The following TENM3 variants were observed in gnomAD, a reference collection of about 807,000 sequenced individuals.
The protein encoded by TENM3 is teneurin-3.
A neutral mutation model predicts 255.1 loss-of-function variants in TENM3; 63 were observed. The observed-to-expected ratio is 0.25, with a 90% confidence interval of 0.20 to 0.30. The LOEUF (loss-of-function observed/expected upper bound fraction) is 0.30, where lower values mean the gene tolerates loss of function less well. Among genes scored for constraint, TENM3 ranks in the 10% least tolerant of loss-of-function variants. The probability of loss-of-function intolerance (pLI) is 1.00; values close to 1 mark genes in which losing one functional copy is unlikely to be tolerated. For missense variants in TENM3, 2,929 were observed against 3,461.1 expected, an observed-to-expected ratio of 0.85 and a Z score of 3.86; for synonymous variants, 1,306 against 1,322.3, an observed-to-expected ratio of 0.99 and a Z score of 0.27.
At chr4:181,984,789 CGT>C in the TENM3 span, among the ~76,000 whole-genome samples, 15,670 of 138,280 alleles carry the variant, frequency 0.11, 840 homozygotes, top group East Asian at 0.14. Context: ...CTAAAAGAGT[CGT>C]GTGTGTGTGT....
the TENM3 span, among the ~76,000 whole-genome samples, chr4:181,930,571 C>T: frequency 6.6e-6 from 1 of 152,062 alleles, no homozygotes; most frequent in Non-Finnish European, 1.5e-5. Flanking sequence ...GATTCACAGC[C>T]GAATTCTACC....
the TENM3 span, among the ~76,000 whole-genome samples, chr4:181,470,119 A>AAAC: frequency 7.9e-6 from 1 of 126,648 alleles, no homozygotes; most frequent in African/African-American, 2.9e-5. Flanking sequence ...AAAAAAAAAA[A>AAAC]AAAAAACATT....
the TENM3 span, among the ~76,000 whole-genome samples, chr4:181,863,383 C>T: frequency 1.3e-5 from 2 of 152,120 alleles, no homozygotes; most frequent in African/African-American, 2.4e-5. Context: ...CAGTAAATAT[C>T]ATGCATAAAA....
At chr4:182,642,036 A>C (rs1224839851) in intron 5 of TENM3, among the ~76,000 whole-genome samples, 1 of 152,240 alleles carries the variant, frequency 6.6e-6, no homozygotes, top group Non-Finnish European at 1.5e-5. Flanking sequence ...CAAATCATGT[A>C]AATGATTTCA....
chr4:181,554,280 G>A, the TENM3 span, among the ~76,000 whole-genome samples: 1 of 152,188 alleles, frequency 6.6e-6, no homozygotes, highest in South Asian at 2.1e-4. Context: ...GGCGGTGTCT[G>A]CCTGAATGTC....
chr4:181,973,033 G>GGAAT, the TENM3 span, among the ~76,000 whole-genome samples: 1 of 152,042 alleles, frequency 6.6e-6, no homozygotes, highest in Non-Finnish European at 1.5e-5. Context: ...TGACAAAACT[G>GGAAT]GAATCAAAAG....
the TENM3 span, among the ~76,000 whole-genome samples, chr4:181,526,928 G>C: frequency 2.0e-5 from 3 of 152,110 alleles, 1 homozygote; most frequent in South Asian, 6.2e-4. Flanking sequence ...TGTCCTTATA[G>C]TTCAGTTAGG....
At chr4:181,981,765 G>C in the TENM3 span, among the ~76,000 whole-genome samples, 1 of 152,116 alleles carries the variant, frequency 6.6e-6, no homozygotes, top group Non-Finnish European at 1.5e-5. Flanking sequence ...AGTCACAAGA[G>C]ACTATAACAA....
chr4:182,199,775 G>A lies in TENM3; in HGVS notation c.-76+55021G>A, dbSNP rs373050696. ...GGATCTTGCTCTGTCGCCTAGGCTG[G>A]AGTGCAGTGGCGCAATCACAGCTCA... On this transcript the variant is annotated intron_variant, in intron 1 of 2. Coordinates refer to the TENM3 transcript ENST00000512480. Among the ~76,000 whole-genome samples, 530 of 142,146 alleles carry A rather than the reference G, an allele frequency of 3.7e-3. 4 individuals are homozygous for A. The highest frequency in any genetic ancestry group is 0.013 in the African/African-American group (517 of 38,756). The allele number at this position is 142,146 out of a possible 152,430, so 93.3% of individuals were successfully genotyped here.
chr4:182,238,242 A>G (rs12500707), intron 1 of TENM3, among the ~76,000 whole-genome samples: 105,874 of 152,076 alleles, frequency 0.7, 37,201 homozygotes, highest in African/African-American at 0.77. Context: ...GCCATACTGC[A>G]ACTGTCTATC....
intron 22 of TENM3, among the ~76,000 whole-genome samples, chr4:182,764,742 G>A (rs527890454): frequency 6.6e-6 from 1 of 152,278 alleles, no homozygotes; most frequent in East Asian, 1.9e-4. Context: ...GTGCCTCTGC[G>A]CAAGTAGGGC....
chr4:182,159,381 A>G (rs1033393503), intron 1 of TENM3, among the ~76,000 whole-genome samples: 15 of 152,158 alleles, frequency 9.9e-5, no homozygotes, highest in Admixed American at 9.2e-4. Context: ...TGAAGATGAA[A>G]TGAGCTAACA....
chr4:182,241,113 G>T (rs112383294), upstream of TENM3, among the ~76,000 whole-genome samples: 1 of 152,082 alleles, frequency 6.6e-6, no homozygotes, highest in Non-Finnish European at 1.5e-5. Context: ...TTTAACACTC[G>T]TGCTGAAATT....
chr4:181,575,918 A>G, the TENM3 span, among the ~76,000 whole-genome samples: 1 of 152,146 alleles, frequency 6.6e-6, no homozygotes, highest in Non-Finnish European at 1.5e-5. Context: ...AGCAAGAGTG[A>G]TAGCTTCCAT....
chr4:181,711,961 GTGA>G, the TENM3 span, among the ~76,000 whole-genome samples: 1 of 152,176 alleles, frequency 6.6e-6, no homozygotes, highest in Admixed American at 6.5e-5. Flanking sequence ...AATGTTTTCA[GTGA>G]TCCCCGTTAT....
At chr4:181,750,742 TC>T in the TENM3 span, among the ~76,000 whole-genome samples, 248 of 152,258 alleles carry the variant, frequency 1.6e-3, 2 homozygotes, top group Non-Finnish European at 2.6e-3. Context: ...ATTTGTTGGG[TC>T]GGTTTTGGGC....
At chr4:181,742,676 A>T in the TENM3 span, among the ~76,000 whole-genome samples, 2 of 150,960 alleles carry the variant, frequency 1.3e-5, no homozygotes, top group Non-Finnish European at 3.0e-5. Flanking sequence ...ATTTATTTTT[A>T]TTTTTTTTTA....
chr4:181,605,559 A>AGGG, the TENM3 span, among the ~76,000 whole-genome samples: 3 of 30,496 alleles, frequency 9.8e-5, no homozygotes, highest in African/African-American at 2.0e-4. Flanking sequence ...AGAAAGAAAG[A>AGGG]AAGAAAGAAA....
At chr4:181,988,476 G>A in the TENM3 span, among the ~76,000 whole-genome samples, 1 of 152,032 alleles carries the variant, frequency 6.6e-6, no homozygotes, top group South Asian at 2.1e-4. Context: ...GTGACCAAAA[G>A]CCAGGAACAC....
Sources: allele counts gnomAD v4.1 joint callset (sites outside exome capture counted in the v4.1 genomes callset), GRCh38; gene constraint gnomAD v4.1.1; transcripts MANE v1.5; gene names NCBI Gene and HGNC (gene_info 2026-07-23, HGNC 2026-07-21).